Variants in NRCAM observed in about 807,000 individuals in gnomAD.
The protein encoded by NRCAM is neuronal cell adhesion molecule.
A neutral mutation model predicts 156.5 loss-of-function variants in NRCAM; 83 were observed. The ratio of observed to expected loss-of-function variants is 0.53; its 90% CI spans 0.44 to 0.64. The LOEUF (loss-of-function observed/expected upper bound fraction) is 0.64. Among genes scored for constraint, NRCAM ranks in the 30% least tolerant of loss-of-function variants. NRCAM has a pLI of 0.00. For missense variants in NRCAM, 1,417 were observed against 1,597.3 expected (o/e 0.89, Z 1.92); for synonymous variants, 538 against 563.9 (o/e 0.95, Z 0.65).
intron 2 of NRCAM, among the ~76,000 whole-genome samples, chr7:108,388,980 A>G (rs561393685): frequency 2.0e-5 from 3 of 152,278 alleles, no homozygotes; most frequent in Admixed American, 6.5e-5. Flanking sequence ...TATAGTTTGA[A>G]GTCAGGTAGC....
chr7:108,316,200 T>A (rs61178551), intron 2 of NRCAM, among the ~76,000 whole-genome samples: 1,946 of 152,234 alleles, frequency 0.013, 50 homozygotes, highest in African/African-American at 0.045. Flanking sequence ...CAAGAGTGGA[T>A]TTGTCATAAA....
intron 1 of NRCAM, among the ~76,000 whole-genome samples, chr7:108,451,209 A>T (rs1302131698): frequency 6.9e-6 from 1 of 145,768 alleles, no homozygotes; most frequent in African/African-American, 2.6e-5. Context: ...ACAGGGCGAG[A>T]CTCCGTCTCC....
intron 3 of NRCAM, among the ~76,000 whole-genome samples, chr7:108,280,704 T>C (rs551041253): frequency 6.0e-5 from 9 of 149,094 alleles, no homozygotes; most frequent in African/African-American, 2.1e-4. Flanking sequence ...CATTGTATTT[T>C]ACATAATGAA....
At chr7:108,436,344 A>G (rs1832194840) in intron 1 of NRCAM, among the ~76,000 whole-genome samples, 1 of 152,180 alleles carries the variant, frequency 6.6e-6, no homozygotes, top group Non-Finnish European at 1.5e-5. Flanking sequence ...CATAAATGAG[A>G]GAATTTTGAT....
chr7:108,364,518 G>C (rs891118162), intron 2 of NRCAM, among the ~76,000 whole-genome samples: 1 of 152,054 alleles, frequency 6.6e-6, no homozygotes, highest in African/African-American at 2.4e-5. Context: ...AGACCCGGGA[G>C]AACTGAAAGC....
intron 27 of NRCAM, among the ~76,000 whole-genome samples, chr7:108,175,615 A>T (rs391210): frequency 2.0e-5 from 3 of 151,918 alleles, no homozygotes. Context: ...TGCATTATTC[A>T]TACTTGTTGA....
chr7:108,236,011 T>A (rs887416595), intron 5 of NRCAM, among the ~76,000 whole-genome samples: 1 of 152,156 alleles, frequency 6.6e-6, no homozygotes, highest in Non-Finnish European at 1.5e-5. Context: ...ACATTCTGGC[T>A]CATTTAAGTT....
At chr7:108,175,378 A>T in intron 27 of NRCAM, 21 bp from the exon 28 acceptor site, 1 of 1,556,526 alleles carries the variant, frequency 6.4e-7, no homozygotes, top group South Asian at 1.2e-5. Context: ...GGGAAACAGA[A>T]ATAGGACACT....
At chr7:108,295,134 C>A (rs76628015) in intron 3 of NRCAM, among the ~76,000 whole-genome samples, 6,902 of 152,244 alleles carry the variant, frequency 0.045, 187 homozygotes, top group Middle Eastern at 0.095. Flanking sequence ...TATTTTTCCC[C>A]TAAAATGGAA....
intron 2 of NRCAM, among the ~76,000 whole-genome samples, chr7:108,319,806 A>T (rs2098978820): frequency 6.6e-6 from 1 of 152,150 alleles, no homozygotes; most frequent in Admixed American, 6.5e-5. Flanking sequence ...AGAAGAAGAA[A>T]AGCAGGGGAT....
chr7:108,341,683 G>A (rs1290804143), intron 2 of NRCAM, among the ~76,000 whole-genome samples: 1 of 152,098 alleles, frequency 6.6e-6, no homozygotes, highest in Non-Finnish European at 1.5e-5. Context: ...TTAAACTAAA[G>A]GATTCTGTCC....
At chr7:108,248,202 A>C (rs2096085955) in intron 3 of NRCAM, among the ~76,000 whole-genome samples, 1 of 152,148 alleles carries the variant, frequency 6.6e-6, no homozygotes, top group Non-Finnish European at 1.5e-5. Context: ...TGATATTCTA[A>C]ACATGCTATA....
intron 3 of NRCAM, among the ~76,000 whole-genome samples, chr7:108,294,729 G>A (rs1442560136): frequency 6.6e-6 from 1 of 152,160 alleles, no homozygotes; most frequent in Non-Finnish European, 1.5e-5. Context: ...TTTGCCTTTG[G>A]CATGCAGTCT....
intron 2 of NRCAM, among the ~76,000 whole-genome samples, chr7:108,375,147 T>C (rs1215253710): frequency 6.6e-6 from 1 of 152,136 alleles, no homozygotes; most frequent in African/African-American, 2.4e-5. Flanking sequence ...GGAGCCCCTA[T>C]CTAGCAGCAC....
intron 2 of NRCAM, among the ~76,000 whole-genome samples, chr7:108,318,904 T>C (rs2098965741): frequency 6.6e-6 from 1 of 152,222 alleles, no homozygotes; most frequent in South Asian, 2.1e-4. Context: ...AGTTCATGTT[T>C]ATATATTTTA....
Position 108,209,611 on chromosome 7 carries a change from A to G in NRCAM, c.891-6T>C. On this transcript the variant is annotated splice_polypyrimidine_tract_variant and splice_region_variant and intron_variant, in intron 11 of 32. Coordinates refer to ENST00000379028, the MANE Select transcript of NRCAM (RefSeq NM_001037132.4). ...AGTAAATAATTGGGGTAGGCCTGAT[A>G]GGATAAATAAATAATGATGTTACAA... is the stretch of plus-strand genomic sequence containing the variant. 1.3e-6 allele frequency: 2 copies of G among 1,570,028 alleles called. No homozygotes were observed. Among genetic ancestry groups the G allele is most frequent in the Non-Finnish European group, 1.7e-6 (2 of 1,164,030 alleles).
At chr7:108,172,579 A>G (rs1316121826) in intron 28 of NRCAM, among the ~76,000 whole-genome samples, 3 of 152,198 alleles carry the variant, frequency 2.0e-5, no homozygotes, top group Non-Finnish European at 2.9e-5. Flanking sequence ...TACAGGCATG[A>G]GCCACCACAC....
At chr7:108,438,598 G>A (rs1834961233) in intron 1 of NRCAM, among the ~76,000 whole-genome samples, 2 of 152,158 alleles carry the variant, frequency 1.3e-5, no homozygotes, top group South Asian at 2.1e-4. Flanking sequence ...ACAACGTAAG[G>A]ATGTCCACTC....
chr7:108,165,445 C>T (rs1291521130), intron 30 of NRCAM, among the ~76,000 whole-genome samples: 1 of 152,154 alleles, frequency 6.6e-6, no homozygotes, highest in Admixed American at 6.5e-5. Flanking sequence ...TGACTAAATG[C>T]TAGTCCCATT....
Sources: gnomAD v4.1 joint callset for allele counts (sites outside exome capture counted in the v4.1 genomes callset) on GRCh38, gnomAD v4.1.1 for gene constraint, MANE v1.5 for transcripts, NCBI Gene and HGNC (gene_info 2026-07-23, HGNC 2026-07-21) for gene names.